Variants in RIF1 observed in about 807,000 individuals in gnomAD.
RIF1 encodes the protein replication timing regulatory factor 1.
Under a neutral mutation model 247.1 loss-of-function variants are expected in RIF1, and 45 were observed. The observed-to-expected ratio is 0.18, with a 90% confidence interval of 0.14 to 0.23. The LOEUF is 0.23. RIF1 is among the 10% of genes least tolerant of loss of function. RIF1 has a pLI of 1.00. For missense variants in RIF1, 2,967 were observed against 2,862.5 expected (o/e 1.04, Z -0.83); for synonymous variants, 1,087 against 978.8 (o/e 1.11, Z -2.06).
In RIF1 at chr2:151,446,432, A is replaced by G; in HGVS notation, c.2101A>G (p.Met701Val). Reference sequence around the variant, plus strand: ...TTTTTGTTGTTATTGGTAGGCCACCATGAAGACTTTGCTTAGAACTTGGTC... The same window carrying G: ...TTTTTGTTGTTATTGGTAGGCCACCGTGAAGACTTTGCTTAGAACTTGGTC... The part of the protein sequence containing the change: ...FSEQRFPVAT[M>V]KTLLRTWSEL... Residue 701 changes from methionine (M) to valine (V), a missense_variant, in exon 20 of 36, where the codon ATG becomes GTG. Physicochemically the swap from Met to Val is conservative, Grantham distance 21 (BLOSUM62 1). Transcript: ENST00000444746. 6.2e-7 allele frequency: 1 copy of G among 1,614,064 alleles called. No individual in the cohort carries two copies. The highest frequency in any genetic ancestry group is 8.5e-7 in the Non-Finnish European group (1 of 1,180,002).
chr2:151,515,515 G>T, the RIF1 span, among the ~76,000 whole-genome samples: 271 of 152,102 alleles, frequency 1.8e-3, 2 homozygotes, highest in African/African-American at 6.4e-3. Context: ...ACTGAGTTTT[G>T]ACCTGTTTTT....
rs183536203 is a variant in RIF1 at position 151,409,972 on chromosome 2, C to G, written c.-72C>G. 2 of 701,992 alleles carry G rather than the reference C, an allele frequency of 2.8e-6. No individual in the cohort carries two copies. The highest frequency in any genetic ancestry group is 2.7e-5 in the East Asian group (1 of 37,262). 43.5% of individuals were successfully genotyped at this position (701,992 alleles called of 1,614,324 possible). A position where few individuals can be genotyped will look rare whatever the true frequency, so the allele number is the denominator to read the frequency against. ...AACAGCCGGAGCTGGGAAAGTCGAGCTCTGGCAGCGTCTGGGTGCTGAGGG... is the reference window on the plus strand; with the variant it reads ...AACAGCCGGAGCTGGGAAAGTCGAGGTCTGGCAGCGTCTGGGTGCTGAGGG... On this transcript the variant is annotated 5_prime_UTR_variant, in exon 1 of 36. Coordinates refer to ENST00000444746, the MANE Select transcript of RIF1 (RefSeq NM_018151.5).
At chr2:151,490,176 G>A in intron 9 of RIF1, 3 of 1,194,560 alleles carry the variant, frequency 2.5e-6, no homozygotes. Context: ...CCCCAACTTA[G>A]AATGATTTCC....
chr2:151,435,411 A>G (rs1690975482), intron 10 of RIF1, 52 bp from the exon 11 acceptor site: 2 of 1,014,908 alleles, frequency 2.0e-6, no homozygotes, highest in Non-Finnish European at 3.1e-6. Flanking sequence ...AGGCTTTTAA[A>G]AACTGTGACA....
Position 151,463,451 on chromosome 2 carries a change from G to A in RIF1, c.3931G>A (p.Glu1311Lys), listed in dbSNP as rs769831787. The change falls in exon 30 of 36, where the codon GAG (glutamate) becomes AAG (lysine). Residue 1311 changes from glutamate (E) to lysine (K), a missense_variant. Coordinates refer to ENST00000444746, the MANE Select transcript of RIF1 (RefSeq NM_018151.5). ...TAAGCCCTTAATGAGATCTGAGCCG[G>A]AGAAAAATACTGAGGAATCTGTTGA... ...RSKPLMRSEP[E>K]KNTEESVEGI... The A allele has an allele frequency of 9.9e-6, 16 of 1,613,994 alleles. No individual in the cohort carries two copies. The East Asian group carries it at 3.6e-4, about 36-fold the overall frequency.
intron 3 of RIF1, among the ~76,000 whole-genome samples, chr2:151,414,104 G>C (rs562162624): frequency 2.6e-5 from 4 of 152,126 alleles, no homozygotes; most frequent in Non-Finnish European, 5.9e-5. Flanking sequence ...CCTGAGGTCA[G>C]GAGTTTGAGA....
chr2:151,467,466 T>A (rs1462458962), intron 30 of RIF1, among the ~76,000 whole-genome samples: 1 of 151,982 alleles, frequency 6.6e-6, no homozygotes, highest in Non-Finnish European at 1.5e-5. Flanking sequence ...TGCCTCAGCC[T>A]CTTGAGTAGC....
At chr2:151,510,535 T>TA, downstream of RIF1, among the ~76,000 whole-genome samples, 1 of 152,342 alleles carries the variant, frequency 6.6e-6, no homozygotes, top group East Asian at 1.9e-4. Flanking sequence ...CAGTTAACTG[T>TA]AGTCAACCTC....
At chr2:151,521,359 C>T in the RIF1 span, among the ~76,000 whole-genome samples, 7 of 152,178 alleles carry the variant, frequency 4.6e-5, no homozygotes, top group South Asian at 2.1e-4. Flanking sequence ...GAAAAAGAAA[C>T]GTAAACAAAT....
At chr2:151,418,725 T>G (rs1687636150) in intron 6 of RIF1, among the ~76,000 whole-genome samples, 1 of 151,870 alleles carries the variant, frequency 6.6e-6, no homozygotes, top group African/African-American at 2.4e-5. Context: ...AAATACAAAA[T>G]CAGCCGGGCG....
At chr2:151,486,964 A>G (rs1478866892), downstream of RIF1, among the ~76,000 whole-genome samples, 2 of 152,180 alleles carry the variant, frequency 1.3e-5, no homozygotes, top group Non-Finnish European at 2.9e-5. Context: ...TTCTAAAATT[A>G]GATTATGGAG....
the RIF1 span, chr2:151,531,033 C>T: frequency 1.2e-6 from 2 of 1,613,638 alleles, no homozygotes; most frequent in Non-Finnish European, 1.7e-6. Flanking sequence ...CATGCAGCAA[C>T]ATGGGTGTGT....
intron 4 of RIF1, among the ~76,000 whole-genome samples, chr2:151,416,016 G>T (rs994192984): frequency 6.6e-6 from 1 of 152,218 alleles, no homozygotes; most frequent in Non-Finnish European, 1.5e-5. Context: ...ACTAAAAGTG[G>T]TAATGAAAGC....
chr2:151,464,429 T>C lies in RIF1; in HGVS notation c.4909T>C (p.Ser1637Pro). 1 of 1,613,534 alleles carries C rather than the reference T, an allele frequency of 6.2e-7. No homozygotes were observed. Among genetic ancestry groups the C allele is most frequent in the Non-Finnish European group, 8.5e-7 (1 of 1,179,844 alleles). The change falls in exon 30 of 36, where the codon TCA becomes CCA. Residue 1637 changes from serine to proline, a missense_variant. By Grantham distance (74) the Ser-to-Pro change is moderately conservative (BLOSUM62 -1). This residue lies in a region of RIF1 where 2,028 missense variants were observed against 1,825.6 expected (regional missense o/e 1.11). Coordinates refer to ENST00000444746, the MANE Select transcript of RIF1 (RefSeq NM_018151.5). The part of the protein sequence containing the change: ...TVICQDSTVT[S>P]DLLQVPDDLP... ...AATATGTCAGGATTCTACAGTAACT[T>C]CAGATTTGTTGCAAGTTCCTGATGA...
intron 10 of RIF1, chr2:151,497,281 AT>A (rs376283107): frequency 0.017 from 12,150 of 703,140 alleles, no homozygotes; most frequent in Middle Eastern, 0.023. Flanking sequence ...TATCCATGTT[AT>A]TTTTTTTTTT....
intron 17 of RIF1, 89 bp from the exon 18 acceptor site, chr2:151,443,440 T>G: frequency 7.2e-7 from 1 of 1,387,416 alleles, no homozygotes. Context: ...ATTCGTTAAC[T>G]TTTTGTCAGT....
In RIF1 at chr2:151,468,697, A is replaced by G. The variant is rs773265904; in HGVS notation, c.6882A>G (p.Pro2294=). 19 of 1,614,054 alleles carry G rather than the reference A, an allele frequency of 1.2e-5. No individual in the cohort carries two copies. The highest frequency in any genetic ancestry group is 1.7e-5 in the Admixed American group (1 of 60,020). The part of the protein sequence containing the change: ...IPCPTESVYP[P]LVNCVAPVDI... ...GCCCAACAGAAAGTGTTTACCCACC[A>G]TTGGTGAACTGTGTGGCACCAGTTG... is the stretch of plus-strand genomic sequence containing the variant. Residue 2294 remains proline (P), a synonymous_variant, in exon 33 of 36, where the codon CCA becomes CCG. Transcript: ENST00000444746.
the RIF1 span, chr2:151,514,707 T>G: frequency 1.3e-6 from 1 of 797,790 alleles, no homozygotes; most frequent in Non-Finnish European, 2.0e-6. Flanking sequence ...AGAACCCAAT[T>G]TGAAACCCAC....
At chr2:151,484,094 A>G (rs2049332540), downstream of RIF1, among the ~76,000 whole-genome samples, 1 of 152,050 alleles carries the variant, frequency 6.6e-6, no homozygotes, top group African/African-American at 2.4e-5. Context: ...TACAGATGTG[A>G]CCATCTTTTT....
Sources: gnomAD v4.1 joint callset for allele counts (sites outside exome capture counted in the v4.1 genomes callset) on GRCh38, gnomAD v4.1.1 for gene constraint, gnomAD v4.1.1 regional missense constraint, MANE v1.5 for transcripts, NCBI Gene and HGNC (gene_info 2026-07-23, HGNC 2026-07-21) for gene names.